Variants in HDAC9 observed in about 807,000 individuals in gnomAD.
HDAC9 encodes MEF-2 interacting transcription repressor (MITR) protein.
HDAC9 carries 41 observed loss-of-function variants against 139.4 expected under a neutral mutation model. The ratio of observed to expected loss-of-function variants is 0.29; its 90% CI spans 0.23 to 0.38. The LOEUF is 0.38. Among genes scored for constraint, HDAC9 ranks in the 10% least tolerant of loss-of-function variants. The pLI is 1.00. For synonymous variants in HDAC9, 517 were observed against 476.2 expected (o/e 1.09, Z -1.12); for missense variants, 1,147 against 1,297.0 (o/e 0.88, Z 1.78).
In HDAC9 at chr7:18,769,126, G is replaced by A. The variant is rs75971445; in HGVS notation, c.2214+1971G>A. On this transcript the variant is annotated intron_variant, in intron 16 of 25. Transcript: ENST00000686413. The stretch of plus-strand genomic sequence containing the variant: ...GTCAAAGAGCATCTGTATATTTAAT[G>A]TATGACTCAGGACTGAATTGAGGCC... 2.8e-3 allele frequency among the ~76,000 whole-genome samples: 420 copies of A among 152,256 alleles called. 2 individuals are homozygous for A. The highest frequency in any genetic ancestry group is 5.1e-3 in the Non-Finnish European group (347 of 68,024).
rs141752284 is a variant in HDAC9, at chr7:18,311,608, A to C, written c.-42+21093A>C. ...TTTACATAATGAGTGGCAAATCCGC[A>C]GTTCAAACTTAGGTAGTCTGTCTCC... On this transcript the variant is annotated intron_variant, in intron 1 of 3. Coordinates refer to the HDAC9 transcript ENST00000413509. Among the ~76,000 whole-genome samples the C allele has an allele frequency of 3.4e-3, 518 of 152,286 alleles. 4 individuals are homozygous for C. Among genetic ancestry groups the C allele is most frequent in the African/African-American group, 0.012 (479 of 41,546 alleles).
chr7:18,549,695 T>G (rs1359613861), intron 2 of HDAC9, among the ~76,000 whole-genome samples: 2 of 152,112 alleles, frequency 1.3e-5, no homozygotes, highest in African/African-American at 4.8e-5. Context: ...CTCTTTGTAC[T>G]ACTTTTGCAA....
chr7:18,264,362 A>G (rs1196531084), intron 2 of HDAC9, among the ~76,000 whole-genome samples: 2 of 152,214 alleles, frequency 1.3e-5, no homozygotes, highest in Non-Finnish European at 2.9e-5. Flanking sequence ...ATTAAAAAAA[A>G]TAAGAATTTA....
At chr7:18,732,588 C>T (rs1430626066) in intron 13 of HDAC9, among the ~76,000 whole-genome samples, 1 of 145,520 alleles carries the variant, frequency 6.9e-6, no homozygotes, top group Non-Finnish European at 1.5e-5. Flanking sequence ...TGTATATACA[C>T]ACACGTGTAT....
intron 2 of HDAC9, among the ~76,000 whole-genome samples, chr7:18,189,915 T>G (rs1458503497): frequency 2.3e-5 from 2 of 88,260 alleles, no homozygotes; most frequent in Admixed American, 2.1e-4. Context: ...AAATAACTTG[T>G]GTGTGGTGTG....
At chr7:18,545,167 A>C (rs868234334) in intron 2 of HDAC9, among the ~76,000 whole-genome samples, 4 of 152,212 alleles carry the variant, frequency 2.6e-5, no homozygotes, top group Non-Finnish European at 4.4e-5. Context: ...TGGACATAGG[A>C]GTGCCGTAGG....
chr7:18,240,027 T>G lies in HDAC9; in HGVS notation c.25+77678T>G, dbSNP rs559408849. Among the ~76,000 whole-genome samples the G allele has an allele frequency of 5.3e-5, 8 of 151,846 alleles. No individual in the cohort carries two copies. The East Asian group carries it at 1.5e-3, about 29-fold the overall frequency. On this transcript the variant is annotated intron_variant, in intron 2 of 12. Transcript: ENST00000417496. The stretch of plus-strand genomic sequence containing the variant: ...CAGAAAACTTCGGTGTTTCTAAAGT[T>G]TATTTAGTCGGTCTCATCTCCTTAA...
chr7:18,428,110 C>A (rs1790298604), intron 1 of HDAC9, among the ~76,000 whole-genome samples: 1 of 152,064 alleles, frequency 6.6e-6, no homozygotes, highest in African/African-American at 2.4e-5. Context: ...ATGTATACCA[C>A]ATTTTAAAAA....
At position 18,999,336 on chromosome 7, in the gene HDAC9, A is replaced by C. The variant is rs1271311975; in HGVS notation, c.*3274A>C. The C allele has an allele frequency of 2.0e-5, 3 of 152,260 alleles. No homozygotes were observed. The East Asian group carries it at 5.8e-4, about 29-fold the overall frequency. The allele number at this position is 152,260 out of a possible 1,614,324, so 9.4% of individuals were successfully genotyped here. A position where few individuals can be genotyped will look rare whatever the true frequency, so the allele number is the denominator to read the frequency against. On this transcript the variant is annotated 3_prime_UTR_variant, in exon 26 of 26. Transcript: ENST00000686413. ...AATAGTTTAGTCCTGCTTTATTTCC[A>C]AAGGGCAATTATAAAGCCTCGTGGA...
intron 1 of HDAC9, among the ~76,000 whole-genome samples, chr7:18,116,421 T>C (rs1783986753): frequency 6.6e-6 from 1 of 152,142 alleles, no homozygotes; most frequent in Non-Finnish European, 1.5e-5. Flanking sequence ...TCAAAAGTAC[T>C]GTGTATTCCC....
intron 12 of HDAC9, among the ~76,000 whole-genome samples, chr7:18,695,720 G>A (rs149789926): frequency 7.6e-4 from 116 of 152,258 alleles, no homozygotes; most frequent in Middle Eastern, 3.4e-3. Context: ...ATCCTCACCT[G>A]AACTTTCTTT....
intron 8 of HDAC9, among the ~76,000 whole-genome samples, chr7:18,637,953 A>G (rs970660129): frequency 6.6e-6 from 1 of 152,120 alleles, no homozygotes; most frequent in African/African-American, 2.4e-5. Context: ...TAGTTGAGTA[A>G]CCATCATTTA....
intron 2 of HDAC9, among the ~76,000 whole-genome samples, chr7:18,242,386 G>A (rs928691980): frequency 1.3e-5 from 2 of 152,124 alleles, no homozygotes; most frequent in Non-Finnish European, 2.9e-5. Flanking sequence ...ACAGAAGTCC[G>A]ATTGATTTGT....
At chr7:18,277,426 T>C (rs1269604427) in intron 2 of HDAC9, among the ~76,000 whole-genome samples, 2 of 152,162 alleles carry the variant, frequency 1.3e-5, no homozygotes, top group African/African-American at 4.8e-5. Context: ...TGGAAGGTTT[T>C]GGCCTGTTGA....
chr7:18,891,899 G>A (rs1197765167), intron 22 of HDAC9, among the ~76,000 whole-genome samples: 2 of 152,078 alleles, frequency 1.3e-5, no homozygotes. Flanking sequence ...TGATCTATTT[G>A]ATTAGATCCA....
intron 1 of HDAC9, among the ~76,000 whole-genome samples, chr7:18,315,734 A>G (rs575413560): frequency 6.6e-6 from 1 of 152,306 alleles, no homozygotes; most frequent in East Asian, 1.9e-4. Flanking sequence ...TGAGAGATGC[A>G]TATTTATGGA....
chr7:18,637,041 G>T (rs1014374120), intron 8 of HDAC9, among the ~76,000 whole-genome samples: 1 of 152,098 alleles, frequency 6.6e-6, no homozygotes, highest in African/African-American at 2.4e-5. Flanking sequence ...TCAGCAGCAT[G>T]TATGATTCTG....
intron 25 of HDAC9, among the ~76,000 whole-genome samples, chr7:18,988,547 G>T (rs1415897482): frequency 6.6e-6 from 1 of 151,972 alleles, no homozygotes; most frequent in Non-Finnish European, 1.5e-5. Flanking sequence ...CTGTTGATTT[G>T]GGGTGGAGAG....
chr7:18,975,001 G>A (rs1322133482), intron 24 of HDAC9, among the ~76,000 whole-genome samples: 2 of 152,158 alleles, frequency 1.3e-5, no homozygotes, highest in Admixed American at 1.3e-4. Context: ...AGTCATGTCA[G>A]CACCTAGGGA....
Sources: allele counts gnomAD v4.1 joint callset (sites outside exome capture counted in the v4.1 genomes callset), GRCh38; gene constraint gnomAD v4.1.1; transcripts MANE v1.5; gene names NCBI Gene and HGNC (gene_info 2026-07-23, HGNC 2026-07-21).